RBFOX1: variants seen among roughly 807,000 people sequenced by gnomAD.
The protein encoded by RBFOX1 is RNA binding protein fox-1 homolog 1.
In RBFOX1, 8 loss-of-function variants were observed where a neutral mutation model predicts 57.7. That is an observed-to-expected ratio of 0.14 (90% confidence interval 0.08 to 0.25). The LOEUF (loss-of-function observed/expected upper bound fraction) is 0.25, where lower values mean the gene tolerates loss of function less well. RBFOX1 is among the 10% of genes least tolerant of loss of function. RBFOX1 has a pLI of 1.00. For missense variants in RBFOX1, 611 were observed against 548.5 expected, an observed-to-expected ratio of 1.11 and a Z score of -1.14; for synonymous variants, 326 against 222.4, an observed-to-expected ratio of 1.47 and a Z score of -4.15.
chr16:7,376,248 G>C (rs907314804), intron 4 of RBFOX1, among the ~76,000 whole-genome samples: 1 of 152,142 alleles, frequency 6.6e-6, no homozygotes, highest in Non-Finnish European at 1.5e-5. Context: ...GATAAACAGG[G>C]CATTATATTG....
chr16:5,940,402 G>T (rs116158979), intron 4 of RBFOX1, among the ~76,000 whole-genome samples: 85 of 152,236 alleles, frequency 5.6e-4, no homozygotes, highest in African/African-American at 1.7e-3. Context: ...TATTAGCCCT[G>T]TGTGGTGGCA....
At chr16:6,867,659 C>T (rs1045334690) in intron 3 of RBFOX1, among the ~76,000 whole-genome samples, 1 of 152,132 alleles carries the variant, frequency 6.6e-6, no homozygotes, top group Non-Finnish European at 1.5e-5. Flanking sequence ...GCAGAGGTTG[C>T]AGTGAGTGCC....
chr16:7,518,163 C>T lies in RBFOX1; in HGVS notation c.44C>T (p.Ala15Val). 1.9e-6 allele frequency: 3 copies of T among 1,611,752 alleles called. No homozygotes were observed. The highest frequency in any genetic ancestry group is 2.5e-6 in the Non-Finnish European group (3 of 1,178,758). The change falls in exon 5 of 16, where the codon GCC becomes GTC. Residue 15 changes from alanine (A) to valine (V), a missense_variant. This residue lies in a region of RBFOX1 where 245 missense variants were observed against 159.1 expected (regional missense o/e 1.54). Transcript: ENST00000550418. ...ATTTTTCAGGGTAATCAGGAAGCAG[C>T]CGCTGCCCCTGACACAATGGCTCAG... ...REQLRGNQEA[A>V]AAPDTMAQPY...
intron 3 of RBFOX1, among the ~76,000 whole-genome samples, chr16:6,687,879 G>A (rs2154129609): frequency 6.6e-6 from 1 of 152,294 alleles, no homozygotes; most frequent in East Asian, 1.9e-4. Flanking sequence ...CAAAATGAAT[G>A]ATGACACAGT....
At chr16:5,573,487 G>T (rs1329304382) in intron 2 of RBFOX1, among the ~76,000 whole-genome samples, 1 of 152,192 alleles carries the variant, frequency 6.6e-6, no homozygotes, top group Admixed American at 6.5e-5. Context: ...TTGTATTGTA[G>T]TATGCACAGC....
chr16:6,658,060 A>C (rs2098673037), intron 3 of RBFOX1, among the ~76,000 whole-genome samples: 1 of 152,126 alleles, frequency 6.6e-6, no homozygotes, highest in South Asian at 2.1e-4. Flanking sequence ...GAATTTTAGA[A>C]AAGACAAAAC....
intron 9 of RBFOX1, among the ~76,000 whole-genome samples, chr16:7,604,292 G>C (rs916606684): frequency 6.6e-6 from 1 of 152,232 alleles, no homozygotes; most frequent in South Asian, 2.1e-4. Flanking sequence ...AGTGGGAGTG[G>C]AGTAGCCTTG....
At chr16:6,422,831 AT>A (rs1368196205) in intron 2 of RBFOX1, among the ~76,000 whole-genome samples, 1 of 152,110 alleles carries the variant, frequency 6.6e-6, no homozygotes, top group Non-Finnish European at 1.5e-5. Flanking sequence ...GGAGACCACA[AT>A]TTGACATGAG....
intron 3 of RBFOX1, among the ~76,000 whole-genome samples, chr16:6,959,906 A>T (rs1268366577): frequency 6.6e-6 from 1 of 152,206 alleles, no homozygotes; most frequent in Non-Finnish European, 1.5e-5. Context: ...ATTGCACTCT[A>T]GCCTGGGCGA....
intron 3 of RBFOX1, among the ~76,000 whole-genome samples, chr16:6,772,256 C>T (rs2078416420): frequency 6.6e-6 from 1 of 152,076 alleles, no homozygotes; most frequent in African/African-American, 2.4e-5. Context: ...TTATATACAA[C>T]TGCAGGTCAG....
intron 3 of RBFOX1, among the ~76,000 whole-genome samples, chr16:5,686,572 A>T (rs924993091): frequency 6.6e-6 from 1 of 151,856 alleles, no homozygotes; most frequent in African/African-American, 2.4e-5. Context: ...TTGACTTCTG[A>T]TTATTCACTA....
intron 1 of RBFOX1, among the ~76,000 whole-genome samples, chr16:5,306,678 C>T (rs553185524): frequency 5.9e-5 from 9 of 152,266 alleles, no homozygotes; most frequent in East Asian, 5.8e-4. Flanking sequence ...CAATGCTCTG[C>T]GGAGCAAGGT....
chr16:5,770,384 A>G (rs971543203), intron 3 of RBFOX1, among the ~76,000 whole-genome samples: 1 of 152,228 alleles, frequency 6.6e-6, no homozygotes, highest in Non-Finnish European at 1.5e-5. Flanking sequence ...TACAAATGCC[A>G]TGGTAACACC....
intron 3 of RBFOX1, among the ~76,000 whole-genome samples, chr16:6,693,145 C>T (rs902372409): frequency 1.2e-4 from 18 of 150,804 alleles, no homozygotes; most frequent in Middle Eastern, 3.2e-3. Context: ...CACCATCATC[C>T]TCCTCCACTA....
chr16:6,293,488 G>T (rs925076230), intron 1 of RBFOX1, among the ~76,000 whole-genome samples: 10 of 152,096 alleles, frequency 6.6e-5, no homozygotes, highest in African/African-American at 1.9e-4. Context: ...CTGTCTGCCA[G>T]GTCCTTGGAT....
intron 1 of RBFOX1, among the ~76,000 whole-genome samples, chr16:6,270,685 CAGA>C (rs1341007799): frequency 6.6e-6 from 1 of 152,124 alleles, no homozygotes; most frequent in Non-Finnish European, 1.5e-5. Context: ...GACTGAAAAT[CAGA>C]AGGATAAAGA....
chr16:5,499,764 G>C (rs766582637), intron 2 of RBFOX1, among the ~76,000 whole-genome samples: 1 of 151,862 alleles, frequency 6.6e-6, no homozygotes, highest in East Asian at 1.9e-4. Context: ...GTAGAAAGGG[G>C]GTTTCACCAT....
At chr16:7,702,861 A>G (rs1416590362) in intron 14 of RBFOX1, among the ~76,000 whole-genome samples, 1 of 152,336 alleles carries the variant, frequency 6.6e-6, no homozygotes, top group East Asian at 1.9e-4. Flanking sequence ...TTCATTTGGA[A>G]AAGTCCTCAA....
At chr16:7,452,688 C>G (rs1318443801) in intron 4 of RBFOX1, among the ~76,000 whole-genome samples, 2 of 152,184 alleles carry the variant, frequency 1.3e-5, no homozygotes, top group East Asian at 3.9e-4. Context: ...GAATTTTAGG[C>G]TACACTGCTT....
Sources: allele counts gnomAD v4.1 joint callset (sites outside exome capture counted in the v4.1 genomes callset), GRCh38; gene constraint gnomAD v4.1.1; regional missense constraint gnomAD v4.1.1; transcripts MANE v1.5; gene names NCBI Gene and HGNC (gene_info 2026-07-23, HGNC 2026-07-21).